BACH2: variants seen among roughly 807,000 people sequenced by gnomAD.
The protein encoded by BACH2 is BACH transcriptional regulator 2.
In BACH2, 5 loss-of-function variants were observed where a neutral mutation model predicts 61.8. That is an observed-to-expected ratio of 0.08 (90% CI 0.04 to 0.17). The LOEUF is 0.17. Among genes scored for constraint, BACH2 ranks in the 10% least tolerant of loss-of-function variants. The pLI, the probability that BACH2 is intolerant of heterozygous loss-of-function variation, is 1.00. For synonymous variants in BACH2, 446 were observed against 440.1 expected (o/e 1.01, Z -0.17); for missense variants, 824 against 1,091.1 (o/e 0.76, Z 3.45).
At chr6:89,947,624 G>T (rs1437937907) in intron 7 of BACH2, among the ~76,000 whole-genome samples, 2 of 151,406 alleles carry the variant, frequency 1.3e-5, no homozygotes, top group African/African-American at 4.9e-5. Context: ...GGAGTGCAGC[G>T]GCGCGATCTC....
intron 4 of BACH2, among the ~76,000 whole-genome samples, chr6:90,138,241 G>A (rs951813765): frequency 1.1e-4 from 16 of 152,198 alleles, no homozygotes; most frequent in African/African-American, 3.6e-4. Flanking sequence ...GGTGGCTCAC[G>A]CCTGTAATCC....
chr6:89,949,888 G>T (rs1773970546), intron 7 of BACH2, among the ~76,000 whole-genome samples: 1 of 152,090 alleles, frequency 6.6e-6, no homozygotes, highest in Admixed American at 6.5e-5. Flanking sequence ...CTGAACGGGT[G>T]AAGGGCAAGG....
At chr6:90,086,047 C>G (rs1037780028) in intron 5 of BACH2, among the ~76,000 whole-genome samples, 2 of 152,284 alleles carry the variant, frequency 1.3e-5, no homozygotes, top group African/African-American at 4.8e-5. Context: ...GTAAATCTGA[C>G]AGTTCTAGGT....
At chr6:90,283,354 T>C (rs1393906269) in intron 1 of BACH2, among the ~76,000 whole-genome samples, 1 of 151,942 alleles carries the variant, frequency 6.6e-6, no homozygotes, top group African/African-American at 2.4e-5. Context: ...TTTCCAACAA[T>C]AAGTGAAAGA....
At chr6:90,053,112 T>C (rs1267802582) in intron 5 of BACH2, among the ~76,000 whole-genome samples, 2 of 152,212 alleles carry the variant, frequency 1.3e-5, no homozygotes, top group Non-Finnish European at 1.5e-5. Flanking sequence ...AAGGAACTTA[T>C]AATGCAAACT....
rs148242849 is a variant in BACH2, at chr6:90,062,222, A to G, written c.-13+26739T>C. Among the ~76,000 whole-genome samples the G allele has an allele frequency of 4.0e-3, 609 of 152,342 alleles. 2 individuals carry two copies. Among genetic ancestry groups the G allele is most frequent in the African/African-American group, 0.013 (549 of 41,586 alleles). On this transcript the variant is annotated intron_variant, in intron 5 of 8. Coordinates refer to ENST00000257749, the MANE Select transcript of BACH2 (RefSeq NM_021813.4). Reference sequence around the variant, plus strand: ...ACAAGACAGAAGGGCTAGGACACCTATATTACATAAGGACTTGGGAGCTGA... The same window carrying G: ...ACAAGACAGAAGGGCTAGGACACCTGTATTACATAAGGACTTGGGAGCTGA...
intron 4 of BACH2, among the ~76,000 whole-genome samples, chr6:90,185,472 G>A (rs555436527): frequency 4.8e-4 from 73 of 152,262 alleles, no homozygotes; most frequent in African/African-American, 1.7e-3. Flanking sequence ...AAAATATATA[G>A]ATACATTTAA....
At chr6:90,254,400 T>C (rs1385195195) in intron 2 of BACH2, among the ~76,000 whole-genome samples, 1 of 152,080 alleles carries the variant, frequency 6.6e-6, no homozygotes, top group Non-Finnish European at 1.5e-5. Flanking sequence ...TGAAGCTGAT[T>C]GATTGGTTGC....
At chr6:90,296,422 A>C (rs1772392887) in intron 1 of BACH2, 58 bp downstream of exon 1, 1 of 149,960 alleles carries the variant, frequency 6.7e-6, no homozygotes, top group African/African-American at 2.4e-5. Flanking sequence ...TCCCCCCGCA[A>C]ACTTGCCCCG....
In BACH2 at chr6:90,238,092, T is replaced by G. The variant is rs1422154167; in HGVS notation, c.-275+14421A>C. ...GGTTTAAACTAAATTTATAAAACAA[T>G]AGGCTTGTCCCTTAGCCAAATACAT... On this transcript the variant is annotated intron_variant, in intron 3 of 8. Coordinates refer to ENST00000257749, the MANE Select transcript of BACH2 (RefSeq NM_021813.4). Among the ~76,000 whole-genome samples, 4 of 152,362 alleles carry G rather than the reference T, an allele frequency of 2.6e-5. No homozygotes were observed. In the South Asian group the frequency reaches 8.3e-4, roughly 32 times the overall value.
At chr6:90,065,059 G>A (rs918044733) in intron 5 of BACH2, among the ~76,000 whole-genome samples, 4 of 151,648 alleles carry the variant, frequency 2.6e-5, no homozygotes, top group Admixed American at 6.6e-5. Context: ...AAGCTGACTC[G>A]GGGCTTAGCC....
At chr6:90,265,065 C>T (rs1771279371) in intron 2 of BACH2, among the ~76,000 whole-genome samples, 2 of 152,162 alleles carry the variant, frequency 1.3e-5, no homozygotes, top group African/African-American at 2.4e-5. Flanking sequence ...AAAAACAAAA[C>T]ATTGTAACTC....
At chr6:90,257,959 A>C (rs1449404103) in intron 2 of BACH2, among the ~76,000 whole-genome samples, 1 of 152,150 alleles carries the variant, frequency 6.6e-6, no homozygotes, top group African/African-American at 2.4e-5. Flanking sequence ...TATTTTTAGT[A>C]GAGATGGGGT....
At chr6:90,273,428 T>C (rs1166051976) in intron 1 of BACH2, among the ~76,000 whole-genome samples, 1 of 152,156 alleles carries the variant, frequency 6.6e-6, no homozygotes, top group East Asian at 1.9e-4. Context: ...TAAGAATAGT[T>C]AAAAGGTGTG....
At chr6:90,154,988 A>T (rs1784947063) in intron 4 of BACH2, among the ~76,000 whole-genome samples, 1 of 152,238 alleles carries the variant, frequency 6.6e-6, no homozygotes, top group Admixed American at 6.5e-5. Context: ...CAGGTTGCAC[A>T]GCAGACATGA....
intron 5 of BACH2, among the ~76,000 whole-genome samples, chr6:90,080,238 A>G (rs1363617810): frequency 6.6e-6 from 1 of 152,136 alleles, no homozygotes; most frequent in Admixed American, 6.6e-5. Context: ...GGCTGTGAGG[A>G]GTGATTTTGC....
chr6:89,997,945 T>C (rs1308377810), intron 6 of BACH2, among the ~76,000 whole-genome samples: 3 of 152,124 alleles, frequency 2.0e-5, no homozygotes, highest in African/African-American at 4.8e-5. Flanking sequence ...TGGTTTTGCA[T>C]ATAAAGAATA....
At chr6:90,146,524 T>C (rs772602745) in intron 4 of BACH2, among the ~76,000 whole-genome samples, 1 of 152,220 alleles carries the variant, frequency 6.6e-6, no homozygotes, top group Non-Finnish European at 1.5e-5. Context: ...GAAATGGCTG[T>C]AACTACTCCA....
intron 4 of BACH2, among the ~76,000 whole-genome samples, chr6:90,137,830 T>C (rs1052489195): frequency 3.9e-5 from 6 of 152,170 alleles, no homozygotes; most frequent in Non-Finnish European, 8.8e-5. Flanking sequence ...CCCAGACTTC[T>C]AATAAGATTC....
Sources: allele counts gnomAD v4.1 joint callset (sites outside exome capture counted in the v4.1 genomes callset), GRCh38; gene constraint gnomAD v4.1.1; transcripts MANE v1.5; gene names NCBI Gene and HGNC (gene_info 2026-07-23, HGNC 2026-07-21).